PLEKHA8: variants seen among roughly 807,000 people sequenced by gnomAD.
PLEKHA8 encodes the protein pleckstrin homology domain containing A8.
In PLEKHA8, 36 loss-of-function variants were observed where a neutral mutation model predicts 68.2. That is an observed-to-expected ratio of 0.53 (90% CI 0.40 to 0.70). The LOEUF (loss-of-function observed/expected upper bound fraction) is 0.70, where lower values mean the gene tolerates loss of function less well. PLEKHA8 is among the 30% of genes least tolerant of loss of function. PLEKHA8 has a pLI of 0.00. For synonymous variants in PLEKHA8, 211 were observed against 216.1 expected (o/e 0.98, Z 0.20); for missense variants, 505 against 615.4 (o/e 0.82, Z 1.90).
chr7:30,055,650 T>G (rs927912805), intron 9 of PLEKHA8, among the ~76,000 whole-genome samples: 3 of 151,470 alleles, frequency 2.0e-5, no homozygotes, highest in Admixed American at 2.0e-4. Context: ...ATTGGCACTG[T>G]GAAAAAATGT....
exon 13 of PLEKHA8, chr7:30,090,692 A>G: frequency 4.6e-6 from 3 of 658,494 alleles, no homozygotes; most frequent in Non-Finnish European, 5.6e-6. Flanking sequence ...TCAAAAACAC[A>G]ATTTCTTAAA....
intron 1 of PLEKHA8, among the ~76,000 whole-genome samples, chr7:30,040,255 G>A (rs560385684): frequency 6.6e-6 from 1 of 152,116 alleles, no homozygotes; most frequent in East Asian, 1.9e-4. Context: ...GGAATGATGT[G>A]GGCTGATCAG....
chr7:30,111,029 C>T (rs184178478), intron 13 of PLEKHA8, among the ~76,000 whole-genome samples: 146 of 151,940 alleles, frequency 9.6e-4, no homozygotes, highest in African/African-American at 3.4e-3. Context: ...CTCAGCCCCC[C>T]GAGTAGCTGG....
At chr7:30,129,300 A>G in exon 14 of PLEKHA8, 1 of 1,612,740 alleles carries the variant, frequency 6.2e-7, no homozygotes, top group African/African-American at 1.3e-5. Flanking sequence ...AACTCCAGAA[A>G]CCATCATGGA....
chr7:30,090,140 C>T, intron 12 of PLEKHA8: 1 of 1,549,534 alleles, frequency 6.5e-7, no homozygotes, highest in Non-Finnish European at 8.7e-7. Context: ...TAAAAGAGTG[C>T]ACTATGTTGT....
intron 6 of PLEKHA8, among the ~76,000 whole-genome samples, chr7:30,052,213 A>G (rs1792466806): frequency 6.6e-6 from 1 of 152,162 alleles, no homozygotes. Context: ...TGGCTCTTTG[A>G]TTTCTAAATT....
rs78389819 is a variant in PLEKHA8 at position 30,106,806 on chromosome 7, T to G, written c.1363-22460T>G. Among the ~76,000 whole-genome samples, 1,340 of 152,270 alleles carry G rather than the reference T, an allele frequency of 8.8e-3. 21 individuals carry two copies. Among genetic ancestry groups the G allele is most frequent in the African/African-American group, 0.031 (1,293 of 41,544 alleles). ...CGCAAATGAAGTGATGTGTAGGTATTGTATTGGGCATTATAAGTAATTTAT... is the reference window on the plus strand; with the variant it reads ...CGCAAATGAAGTGATGTGTAGGTATGGTATTGGGCATTATAAGTAATTTAT... On this transcript the variant is annotated intron_variant, in intron 13 of 13. Transcript: ENST00000396257.
chr7:30,124,671 C>T lies in PLEKHA8; in HGVS notation c.1363-4595C>T, dbSNP rs563594021. Among the ~76,000 whole-genome samples the T allele has an allele frequency of 7.9e-5, 12 of 152,190 alleles. No homozygotes were observed. In the East Asian group the frequency reaches 2.3e-3, roughly 29 times the overall value. On this transcript the variant is annotated intron_variant, in intron 13 of 13. Transcript: ENST00000396257. ...ATTCTAGGTCTTACCAGAATAATTT[C>T]CTGTGCTTTCTGTTGACCTTACTAG...
intron 13 of PLEKHA8, among the ~76,000 whole-genome samples, chr7:30,120,040 A>G (rs921773762): frequency 6.6e-6 from 1 of 152,182 alleles, no homozygotes; most frequent in Non-Finnish European, 1.5e-5. Context: ...CTCTGAGAGC[A>G]AACAGTCTTC....
chr7:30,054,712 A>C lies in PLEKHA8; in HGVS notation c.800A>C (p.Gln267Pro). ...EENTDDNITV[Q>P]GEIRKEDGME... The stretch of plus-strand genomic sequence containing the variant: ...ATAGATATTTTCTACTTTGCAGTCC[A>C]AGGTGAAATAAGGAAGGAAGATGGA... Residue 267 changes from glutamine to proline, a missense_variant, in exon 8 of 14, where the codon CAA becomes CCA. Coordinates refer to ENST00000449726, the MANE Select transcript of PLEKHA8 (RefSeq NM_001197026.2). The C allele has an allele frequency of 1.3e-6, 2 of 1,577,088 alleles. No homozygotes were observed. The highest frequency in any genetic ancestry group is 1.7e-6 in the Non-Finnish European group (2 of 1,155,930).
At chr7:30,101,691 G>A (rs1795859960) in intron 13 of PLEKHA8, among the ~76,000 whole-genome samples, 2 of 151,552 alleles carry the variant, frequency 1.3e-5, no homozygotes, top group African/African-American at 4.9e-5. Context: ...TTGTAATCAG[G>A]GGAAAATTTA....
intron 13 of PLEKHA8, among the ~76,000 whole-genome samples, chr7:30,103,005 G>A (rs1795906103): frequency 6.6e-6 from 1 of 152,240 alleles, no homozygotes; most frequent in African/African-American, 2.4e-5. Context: ...GGAGGTGGAG[G>A]CTACAGTGAG....
chr7:30,090,216 T>A (rs372108661), exon 13 of PLEKHA8: 1 of 1,544,520 alleles, frequency 6.5e-7, no homozygotes, highest in Non-Finnish European at 8.7e-7. Context: ...ACTTCAAGAA[T>A]GAAGAAAGAA....
chr7:30,035,822 AT>A (rs543452380), intron 1 of PLEKHA8, among the ~76,000 whole-genome samples: 1 of 151,126 alleles, frequency 6.6e-6, no homozygotes, highest in East Asian at 2.0e-4. Context: ...TTTTTTTTGT[AT>A]TTTTAGTAGA....
At chr7:30,034,242 C>T (rs1790890547) in intron 1 of PLEKHA8, among the ~76,000 whole-genome samples, 1 of 151,836 alleles carries the variant, frequency 6.6e-6, no homozygotes, top group South Asian at 2.1e-4. Flanking sequence ...CTCCTGACCT[C>T]AGGTGATCCG....
intron 7 of PLEKHA8, among the ~76,000 whole-genome samples, chr7:30,054,009 T>C (rs2127980283): frequency 6.6e-6 from 1 of 152,356 alleles, no homozygotes; most frequent in African/African-American, 2.4e-5. Flanking sequence ...ATGAGGCTTA[T>C]CTAACACACA....
intron 13 of PLEKHA8, among the ~76,000 whole-genome samples, chr7:30,102,435 A>T (rs1375502883): frequency 6.6e-6 from 1 of 152,250 alleles, no homozygotes; most frequent in African/African-American, 2.4e-5. Flanking sequence ...AGACTCGAGG[A>T]AATTAAAAGC....
At chr7:30,075,081 A>G (rs2127996988) in intron 13 of PLEKHA8, 1 of 152,332 alleles carries the variant, frequency 6.6e-6, no homozygotes, top group East Asian at 1.9e-4. Context: ...GTTGGGGAAT[A>G]AAGTAGCCTT....
rs139092734 is a variant in PLEKHA8, at chr7:30,040,718, A to G, written c.41-4367A>G. 2.7e-4 allele frequency among the ~76,000 whole-genome samples: 41 copies of G among 152,348 alleles called. No homozygotes were observed. In the East Asian group the frequency reaches 7.1e-3, roughly 27 times the overall value. ...AGTGAAACAATCCAGGATAATACAA[A>G]GCGTATGAAATTGGTATTTAAATAC... On this transcript the variant is annotated intron_variant, in intron 1 of 13. Transcript: ENST00000449726.
Sources: allele counts gnomAD v4.1 joint callset (sites outside exome capture counted in the v4.1 genomes callset), GRCh38; gene constraint gnomAD v4.1.1; transcripts MANE v1.5; gene names NCBI Gene and HGNC (gene_info 2026-07-23, HGNC 2026-07-21).